Variants in ABI1 observed in about 807,000 individuals in gnomAD.
ABI1 encodes the protein abl interactor 1, also known as Abelson interactor 1.
Under a neutral mutation model 54.6 loss-of-function variants are expected in ABI1, and 14 were observed. The observed-to-expected ratio is 0.26, with a 90% CI of 0.17 to 0.40. The LOEUF (loss-of-function observed/expected upper bound fraction) is 0.40. Among genes scored for constraint, ABI1 ranks in the 10% least tolerant of loss-of-function variants. The pLI, the probability that ABI1 is intolerant of heterozygous loss-of-function variation, is 1.00. For synonymous variants in ABI1, 194 were observed against 209.3 expected, an observed-to-expected ratio of 0.93 and a Z score of 0.63; for missense variants, 443 against 598.3, an observed-to-expected ratio of 0.74 and a Z score of 2.71.
intron 7 of ABI1, 66 bp from the exon 8 acceptor site, chr10:26,759,304 G>A: frequency 7.1e-7 from 1 of 1,402,094 alleles, no homozygotes; most frequent in Non-Finnish European, 9.6e-7. Context: ...TTAGATGGCA[G>A]AACAAAGCAG....
At chr10:26,765,723 G>T (rs1016753622) in intron 6 of ABI1, among the ~76,000 whole-genome samples, 55 of 151,574 alleles carry the variant, frequency 3.6e-4, no homozygotes, top group African/African-American at 1.3e-3. Flanking sequence ...GCAATGGGAG[G>T]GTTGGTGGGT....
intron 9 of ABI1, among the ~76,000 whole-genome samples, chr10:26,752,155 G>A (rs901700167): frequency 3.9e-5 from 6 of 152,136 alleles, no homozygotes; most frequent in African/African-American, 1.4e-4. Flanking sequence ...GTAATGATAT[G>A]AGTAACATTA....
chr10:26,830,922 T>C (rs2048629886), intron 1 of ABI1, among the ~76,000 whole-genome samples: 1 of 152,088 alleles, frequency 6.6e-6, no homozygotes, highest in Non-Finnish European at 1.5e-5. Flanking sequence ...TTAAAGACAG[T>C]GTCTTTCTCT....
chr10:26,834,500 A>G (rs1269609779), intron 1 of ABI1, among the ~76,000 whole-genome samples: 1 of 151,792 alleles, frequency 6.6e-6, no homozygotes, highest in Non-Finnish European at 1.5e-5. Flanking sequence ...AAATAATCCA[A>G]AAGGAAAATG....
At chr10:26,776,477 C>G (rs933391535) in intron 3 of ABI1, 1 of 151,992 alleles carries the variant, frequency 6.6e-6, no homozygotes, top group African/African-American at 2.4e-5. Flanking sequence ...CCCATAAATA[C>G]CAAAAAGCTG....
intron 7 of ABI1, among the ~76,000 whole-genome samples, chr10:26,760,985 C>T (rs947956237): frequency 1.3e-5 from 2 of 151,150 alleles, no homozygotes; most frequent in South Asian, 2.1e-4. Flanking sequence ...GACTGTCGCC[C>T]AGGCTGGAGT....
At chr10:26,770,121 T>G in intron 5 of ABI1, 124 bp downstream of exon 5, 1 of 690,446 alleles carries the variant, frequency 1.4e-6, no homozygotes, top group Non-Finnish European at 2.5e-6. Context: ...TAAAATGAAT[T>G]TGTAAAAGGT....
rs754359002 is a variant in ABI1 at position 26,860,891 on chromosome 10, C to G, written c.-28G>C. The stretch of plus-strand genomic sequence containing the variant: ...TCCACCCCTCTGCATCGCTTCCTCT[C>G]GCGTTAAAGAGACAGAGGCAGCAAG... On this transcript the variant is annotated 5_prime_UTR_variant, in exon 1 of 11. Transcript: ENST00000376140. The surrounding 1 kb of genome is among the most constrained non-coding windows in gnomAD (Gnocchi z 4.1). 5 of 1,601,818 alleles carry G rather than the reference C, an allele frequency of 3.1e-6. No individual in the cohort carries two copies. The South Asian group carries it at 3.3e-5, about 11-fold the overall frequency.
intron 2 of ABI1, among the ~76,000 whole-genome samples, chr10:26,796,240 C>T (rs957047683): frequency 7.2e-5 from 11 of 152,238 alleles, no homozygotes; most frequent in Non-Finnish European, 1.3e-4. Context: ...ATGTACAACA[C>T]GAGGACTACA....
intron 7 of ABI1, among the ~76,000 whole-genome samples, chr10:26,760,082 T>C (rs3802615): frequency 7.1e-6 from 1 of 141,824 alleles, no homozygotes; most frequent in East Asian, 2.0e-4. Context: ...AATCTGCTTT[T>C]AAAAAAAAAA....
chr10:26,844,747 G>A (rs555639386), intron 1 of ABI1, among the ~76,000 whole-genome samples: 1 of 152,352 alleles, frequency 6.6e-6, no homozygotes, highest in South Asian at 2.1e-4. Flanking sequence ...TATGCTAGGG[G>A]AAAATAGATA....
chr10:26,801,491 G>A lies in ABI1; in HGVS notation c.285+21647C>T, dbSNP rs990054233. Among the ~76,000 whole-genome samples, 3 of 151,830 alleles carry A rather than the reference G, an allele frequency of 2.0e-5. No individual in the cohort carries two copies. In the South Asian group the frequency reaches 6.2e-4, roughly 31 times the overall value. On this transcript the variant is annotated intron_variant, in intron 2 of 10. Coordinates refer to ENST00000376140, the MANE Select transcript of ABI1 (RefSeq NM_001012750.3). ...GAGCCCGGGACGCAGAGGTTGCGGTGAGCCAAGATCACGCCACTGCAGTCC... is the reference window on the plus strand; with the variant it reads ...GAGCCCGGGACGCAGAGGTTGCGGTAAGCCAAGATCACGCCACTGCAGTCC...
intron 2 of ABI1, among the ~76,000 whole-genome samples, chr10:26,797,944 G>A (rs567511100): frequency 1.3e-5 from 2 of 152,118 alleles, no homozygotes; most frequent in African/African-American, 4.8e-5. Context: ...GCCAACTAGA[G>A]CAATATGGCA....
At chr10:26,760,359 C>T (rs982318568) in intron 7 of ABI1, among the ~76,000 whole-genome samples, 4 of 152,154 alleles carry the variant, frequency 2.6e-5, no homozygotes, top group African/African-American at 9.7e-5. Context: ...ATTCAGTTGT[C>T]TAATCCTTCT....
At chr10:26,808,125 T>C (rs2046992097) in intron 2 of ABI1, among the ~76,000 whole-genome samples, 1 of 152,150 alleles carries the variant, frequency 6.6e-6, no homozygotes, top group African/African-American at 2.4e-5. Context: ...ACCAGGGCTA[T>C]TTCATTTTTA....
chr10:26,765,158 T>A, intron 7 of ABI1, 60 bp downstream of exon 7: 1 of 1,209,236 alleles, frequency 8.3e-7, no homozygotes, highest in Non-Finnish European at 1.2e-6. Flanking sequence ...TATTTCAGCC[T>A]TCCACAATAA....
chr10:26,751,074 T>C (rs1026443461), intron 10 of ABI1, among the ~76,000 whole-genome samples: 4 of 130,060 alleles, frequency 3.1e-5, no homozygotes, highest in Non-Finnish European at 6.2e-5. Flanking sequence ...AAATTGAAAG[T>C]ACATTTTCAA....
chr10:26,844,629 A>G (rs950498134), intron 1 of ABI1, among the ~76,000 whole-genome samples: 1 of 152,240 alleles, frequency 6.6e-6, no homozygotes, highest in African/African-American at 2.4e-5. Context: ...GTGGAGGAGT[A>G]AAAGCTGGAA....
chr10:26,853,184 G>A (rs575183440), intron 1 of ABI1, among the ~76,000 whole-genome samples: 11 of 133,138 alleles, frequency 8.3e-5, no homozygotes, highest in Admixed American at 5.0e-4. Flanking sequence ...GCAGTGAGCC[G>A]AGATCACACC....
Sources: allele counts gnomAD v4.1 joint callset (sites outside exome capture counted in the v4.1 genomes callset), GRCh38; gene constraint gnomAD v4.1.1; non-coding constraint Gnocchi (gnomAD v3.1); transcripts MANE v1.5; gene names NCBI Gene and HGNC (gene_info 2026-07-23, HGNC 2026-07-21).